The following ZNF551 variants were observed in gnomAD, a reference collection of about 807,000 sequenced individuals.
ZNF551 encodes KOX 23 protein (56 AA).
Under a neutral mutation model 7.9 loss-of-function variants are expected in ZNF551, and 5 were observed. The ratio of observed to expected loss-of-function variants is 0.63; its 90% CI spans 0.33 to 1.33. The LOEUF is 1.33. Among genes scored for constraint, ZNF551 ranks in the 40% most tolerant of loss-of-function variants. The pLI, the probability that ZNF551 is intolerant of heterozygous loss-of-function variation, is 0.05. For missense variants in ZNF551, 788 were observed against 825.2 expected (o/e 0.95, Z 0.55); for synonymous variants, 287 against 277.3 (o/e 1.03, Z -0.35).
rs1262449450 is a variant in ZNF551 at position 57,687,692 on chromosome 19, A to G, written c.1417A>G (p.Arg473Gly). ...ACACCGCAGCATTCACACTGGTGATAGGCCTTATGAGTGCAGTGAATGTGA... is the reference window on the plus strand; with the variant it reads ...ACACCGCAGCATTCACACTGGTGATGGGCCTTATGAGTGCAGTGAATGTGA... ...IRHRSIHTGDRPYECSECEKS... is the reference protein window; with the variant it reads ...IRHRSIHTGDGPYECSECEKS... Residue 473 changes from arginine (R) to glycine (G), a missense_variant, in exon 3 of 3, where the codon AGG (arginine) becomes GGG (glycine). Physicochemically the swap from Arg to Gly is moderately radical, Grantham distance 125. Transcript: ENST00000282296. The G allele has an allele frequency of 1.9e-6, 3 of 1,614,220 alleles. No individual in the cohort carries two copies. Among genetic ancestry groups the G allele is most frequent in the South Asian group, 1.1e-5 (1 of 91,082 alleles).
chr19:57,687,269 G>A lies in ZNF551; in HGVS notation c.994G>A (p.Gly332Arg). ...FIHHQRRHTG[G>R]VRHECGECRK... ...TCACCACCAGAGACGTCACACTGGAGGAGTGCGTCATGAGTGTGGTGAATG... is the reference window on the plus strand; with the variant it reads ...TCACCACCAGAGACGTCACACTGGAAGAGTGCGTCATGAGTGTGGTGAATG... Residue 332 changes from glycine (G) to arginine (R), a missense_variant, in exon 3 of 3, where the codon GGA becomes AGA. Transcript: ENST00000282296. The A allele has an allele frequency of 6.2e-7, 1 of 1,614,184 alleles. No individual in the cohort carries two copies. Among genetic ancestry groups the A allele is most frequent in the Non-Finnish European group, 8.5e-7 (1 of 1,180,038 alleles).
chr19:57,682,206 A>G lies in ZNF551; in HGVS notation c.43A>G (p.Ser15Gly). Residue 15 changes from serine (S) to glycine (G), a missense_variant, in exon 1 of 3, where the codon AGC (serine) becomes GGC (glycine). By Grantham distance (56) the Ser-to-Gly change is moderately conservative. Transcript: ENST00000282296. ...VGRRSPPSPR[S>G]SMAAVALRDS... ...CCGCCGCTCCCCGCCTAGTCCACGG[A>G]GCTCAATGGCGGCAGTCGCGCTGAG... 1 of 1,550,484 alleles carries G rather than the reference A, an allele frequency of 6.4e-7. No homozygotes were observed. Among genetic ancestry groups the G allele is most frequent in the Non-Finnish European group, 8.7e-7 (1 of 1,146,942 alleles).
chr19:57,688,153 C>G lies in ZNF551; in HGVS notation c.1878C>G (p.His626Gln), dbSNP rs1474511008. The change falls in exon 3 of 3, where the codon CAC (histidine) becomes CAG (glutamine). Residue 626 changes from histidine to glutamine, a missense_variant. His to Gln is a conservative substitution (Grantham distance 24). Transcript: ENST00000282296. Reference sequence around the variant, plus strand: ...GTCAATGTGGGAAACCCTTTACCCACAAATCAGACCTTATTCAGCACCAAA... The same window carrying G: ...GTCAATGTGGGAAACCCTTTACCCAGAAATCAGACCTTATTCAGCACCAAA... ...ECSQCGKPFT[H>Q]KSDLIQHQRV... 9 of 1,613,076 alleles carry G rather than the reference C, an allele frequency of 5.6e-6. No homozygotes were observed. The highest frequency in any genetic ancestry group is 7.6e-6 in the Non-Finnish European group (9 of 1,179,800).
At position 57,686,920 on chromosome 19, in the gene ZNF551, A is replaced by ATT; in HGVS notation, c.649_650dup (p.Asn218SerfsTer78). On this transcript the variant is annotated frameshift_variant, in exon 3 of 3. Transcript: ENST00000282296. LOFTEE classifies it low-confidence loss of function (END_TRUNC). ...GTAGCAGCAGCAAGCATATACAGGC[A>ATT]TTTTTCAATGCAAAAAGTTATTACA... is the stretch of plus-strand genomic sequence containing the variant. 6.2e-7 allele frequency: 1 copy of ATT among 1,614,172 alleles called. No homozygotes were observed. Among genetic ancestry groups the ATT allele is most frequent in the Non-Finnish European group, 8.5e-7 (1 of 1,180,038 alleles).
intron 2 of ZNF551, among the ~76,000 whole-genome samples, chr19:57,686,122 C>T (rs559844724): frequency 1.3e-5 from 2 of 152,190 alleles, no homozygotes; most frequent in Non-Finnish European, 2.9e-5. Flanking sequence ...AATAGTCCTC[C>T]TTGATCACCA....
At position 57,687,838 on chromosome 19, in the gene ZNF551, C is replaced by G. The variant is rs1156526015; in HGVS notation, c.1563C>G (p.His521Gln). The G allele has an allele frequency of 2.5e-6, 4 of 1,613,820 alleles. No homozygotes were observed. The South Asian group carries it at 4.4e-5, about 18-fold the overall frequency. The change falls in exon 3 of 3, where the codon CAC becomes CAG. Residue 521 changes from histidine (H) to glutamine (Q), a missense_variant. By Grantham distance (24) the His-to-Gln change is conservative (BLOSUM62 0). Coordinates refer to ENST00000282296, the MANE Select transcript of ZNF551 (RefSeq NM_138347.5). ...CCCGCAAATCTGACCTCATTCAACA[C>G]CGGAGAATTCATACTGGCACAAGAC... ...SFTRKSDLIQHRRIHTGTRPY... is the reference protein window; with the variant it reads ...SFTRKSDLIQQRRIHTGTRPY...
In ZNF551 at chr19:57,682,058, C is replaced by T; in HGVS notation, c.-106C>T. 8.1e-7 allele frequency: 1 copy of T among 1,232,900 alleles called. No homozygotes were observed. Among genetic ancestry groups the T allele is most frequent in the Non-Finnish European group, 1.1e-6 (1 of 890,254 alleles). The allele number at this position is 1,232,900 out of a possible 1,614,324, so 76.4% of individuals were successfully genotyped here. A position where few individuals can be genotyped will look rare whatever the true frequency, so the allele number is the denominator to read the frequency against. On this transcript the variant is annotated 5_prime_UTR_variant, in exon 1 of 3. Coordinates refer to ENST00000282296, the MANE Select transcript of ZNF551 (RefSeq NM_138347.5). ...GCCCGCCAGTTTCTGCAGTGGAGGTCGCGACTGAGGGACGGGACAGAGAAG... is the reference window on the plus strand; with the variant it reads ...GCCCGCCAGTTTCTGCAGTGGAGGTTGCGACTGAGGGACGGGACAGAGAAG...
At chr19:57,685,124 G>C in intron 1 of ZNF551, 138 bp from the exon 2 acceptor site, 2 of 1,074,226 alleles carry the variant, frequency 1.9e-6, no homozygotes, top group Non-Finnish European at 2.7e-6. Context: ...ACTGTGGGGA[G>C]AGGGTAGGCA....
chr19:57,687,537 G>A lies in ZNF551; in HGVS notation c.1262G>A (p.Cys421Tyr), dbSNP rs776731909. The A allele has an allele frequency of 1.6e-5, 26 of 1,614,120 alleles. No homozygotes were observed. The highest frequency in any genetic ancestry group is 2.0e-5 in the Non-Finnish European group (24 of 1,180,042). The change falls in exon 3 of 3, where the codon TGC becomes TAC. Residue 421 changes from cysteine to tyrosine, a missense_variant. Cys to Tyr is a radical substitution (Grantham distance 194). Coordinates refer to ENST00000282296, the MANE Select transcript of ZNF551 (RefSeq NM_138347.5). ...CACACTGGAGAAATGCCTTATCAGT[G>A]CAGTGATTGTGGGAAATCTTTTAGC... is the stretch of plus-strand genomic sequence containing the variant. ...RVHTGEMPYQCSDCGKSFSCK... is the reference protein window; with the variant it reads ...RVHTGEMPYQYSDCGKSFSCK...
chr19:57,688,937 A>G lies in ZNF551; in HGVS notation c.*649A>G, dbSNP rs968235950. On this transcript the variant is annotated 3_prime_UTR_variant, in exon 3 of 3. Transcript: ENST00000282296. ...TAAGCAGAATAGTGATGTCAGCATGAAGGGGTGAATAGATTTTGTGGAGAT... is the reference window on the plus strand; with the variant it reads ...TAAGCAGAATAGTGATGTCAGCATGGAGGGGTGAATAGATTTTGTGGAGAT... 1.3e-5 allele frequency: 2 copies of G among 152,750 alleles called. No individual in the cohort carries two copies. The highest frequency in any genetic ancestry group is 4.8e-5 in the African/African-American group (2 of 41,446). 9.5% of individuals were successfully genotyped at this position (152,750 alleles called of 1,614,324 possible).
In ZNF551 at chr19:57,686,507, G is replaced by T. The variant is rs1226713997; in HGVS notation, c.232G>T (p.Ala78Ser). 6.2e-7 allele frequency: 1 copy of T among 1,609,290 alleles called. No homozygotes were observed. The highest frequency in any genetic ancestry group is 8.5e-7 in the Non-Finnish European group (1 of 1,176,042). Reference sequence around the variant, plus strand: ...TTATTGCCATGGAATGGAGAATGAGGCGATAGCTTCTGAGCAGAGTGTATC... The same window carrying T: ...TTATTGCCATGGAATGGAGAATGAGTCGATAGCTTCTGAGCAGAGTGTATC... ...LGYCHGMENE[A>S]IASEQSVSIQ... Residue 78 changes from alanine (A) to serine (S), a missense_variant, in exon 3 of 3, where the codon GCG becomes TCG. Ala to Ser is a moderately conservative substitution (Grantham distance 99). Transcript: ENST00000282296.
rs749705726 is a variant in ZNF551 at position 57,687,404 on chromosome 19, A to G, written c.1129A>G (p.Ser377Gly). The G allele has an allele frequency of 2.5e-6, 4 of 1,613,990 alleles. No homozygotes were observed. The East Asian group carries it at 6.7e-5, about 27-fold the overall frequency. Residue 377 changes from serine (S) to glycine (G), a missense_variant, in exon 3 of 3, where the codon AGC (serine) becomes GGC (glycine). Coordinates refer to ENST00000282296, the MANE Select transcript of ZNF551 (RefSeq NM_138347.5). ...CGGGAAATCCTTTAGACAAAGCTCTAGCCTTTTTCGACACCAGAGAGTTCA... is the reference window on the plus strand; with the variant it reads ...CGGGAAATCCTTTAGACAAAGCTCTGGCCTTTTTCGACACCAGAGAGTTCA... Reference protein sequence around the residue: ...ECGKSFRQSSSLFRHQRVHSG... With the variant: ...ECGKSFRQSSGLFRHQRVHSG...
chr19:57,689,955 AC>A lies in ZNF551; in HGVS notation c.*1668del, dbSNP rs1984711907. 1 of 152,210 alleles carries A rather than the reference AC, an allele frequency of 6.6e-6. No homozygotes were observed. The highest frequency in any genetic ancestry group is 1.5e-5 in the Non-Finnish European group (1 of 68,046). The allele number at this position is 152,210 out of a possible 1,614,324, so 9.4% of individuals were successfully genotyped here. A position where few individuals can be genotyped will look rare whatever the true frequency, so the allele number is the denominator to read the frequency against. ...GGATGTGGCTTTTGTGACTCAGCCA[AC>A]ATTCCTATTAATTCAGGTGGCAACA... On this transcript the variant is annotated 3_prime_UTR_variant, in exon 3 of 3. Transcript: ENST00000282296.
intron 1 of ZNF551, among the ~76,000 whole-genome samples, chr19:57,683,424 T>C (rs981528237): frequency 6.6e-6 from 1 of 151,986 alleles, no homozygotes; most frequent in South Asian, 2.1e-4. Flanking sequence ...ATAGTAGGAG[T>C]AGTTTTCATT....
At chr19:57,686,356 C>G in intron 2 of ZNF551, 125 bp from the exon 3 acceptor site, 1 of 1,330,764 alleles carries the variant, frequency 7.5e-7, no homozygotes, top group East Asian at 2.3e-5. Context: ...CCTATTCCTC[C>G]CCAGTTCCGT....
rs145234673 is a variant in ZNF551, at chr19:57,687,379, C to T, written c.1104C>T (p.Cys368=). The T allele has an allele frequency of 8.3e-5, 134 of 1,612,192 alleles. No homozygotes were observed. The African/African-American group carries it at 1.5e-3, about 17-fold the overall frequency. The change falls in exon 3 of 3, where the codon TGC becomes TGT. Residue 368 remains cysteine, a synonymous_variant. Transcript: ENST00000282296. ...AAAGGCCTTATGAATGTGGCGAGTG[C>T]GGGAAATCCTTTAGACAAAGCTCTA... ...TGERPYECGE[C]GKSFRQSSSL...
rs924155377 is a variant in ZNF551 at position 57,690,219 on chromosome 19, C to T, written c.*1931C>T. On this transcript the variant is annotated 3_prime_UTR_variant, in exon 3 of 3. Coordinates refer to ENST00000282296, the MANE Select transcript of ZNF551 (RefSeq NM_138347.5). Reference sequence around the variant, plus strand: ...GTACAGTTTGGTAAAGCCATGAAACCATCATTACAACCATAAAAATGAATT... The same window carrying T: ...GTACAGTTTGGTAAAGCCATGAAACTATCATTACAACCATAAAAATGAATT... 2 of 152,082 alleles carry T rather than the reference C, an allele frequency of 1.3e-5. No homozygotes were observed. The highest frequency in any genetic ancestry group is 1.9e-4 in the East Asian group (1 of 5,196). The allele number at this position is 152,082 out of a possible 1,614,324, so 9.4% of individuals were successfully genotyped here. A position where few individuals can be genotyped will look rare whatever the true frequency, so the allele number is the denominator to read the frequency against.
chr19:57,687,516 C>T lies in ZNF551; in HGVS notation c.1241C>T (p.Thr414Ile). 6.2e-7 allele frequency: 1 copy of T among 1,614,204 alleles called. No homozygotes were observed. The highest frequency in any genetic ancestry group is 1.1e-5 in the South Asian group (1 of 91,086). ...FNLIRHRRVHTGEMPYQCSDC... is the reference protein window; with the variant it reads ...FNLIRHRRVHIGEMPYQCSDC... ...CTCATTCGACATAGAAGAGTTCACACTGGAGAAATGCCTTATCAGTGCAGT... is the reference window on the plus strand; with the variant it reads ...CTCATTCGACATAGAAGAGTTCACATTGGAGAAATGCCTTATCAGTGCAGT... Residue 414 changes from threonine (T) to isoleucine (I), a missense_variant, in exon 3 of 3, where the codon ACT (threonine) becomes ATT (isoleucine). Physicochemically the swap from Thr to Ile is moderately conservative, Grantham distance 89. Transcript: ENST00000282296.
chr19:57,688,587 C>G lies in ZNF551; in HGVS notation c.*299C>G. 1 of 371,590 alleles carries G rather than the reference C, an allele frequency of 2.7e-6. No individual in the cohort carries two copies. The highest frequency in any genetic ancestry group is 4.9e-6 in the Non-Finnish European group (1 of 204,362). The allele number at this position is 371,590 out of a possible 1,614,324, so 23.0% of individuals were successfully genotyped here. A position where few individuals can be genotyped will look rare whatever the true frequency, so the allele number is the denominator to read the frequency against. ...CCACAGTGCTCAGAGAAGCAAACCT[C>G]TGTACTCTCCCATTTGCTTGGGGAA... On this transcript the variant is annotated 3_prime_UTR_variant, in exon 3 of 3. Coordinates refer to ENST00000282296, the MANE Select transcript of ZNF551 (RefSeq NM_138347.5).
Sources: gnomAD v4.1 joint callset for allele counts (sites outside exome capture counted in the v4.1 genomes callset) on GRCh38, gnomAD v4.1.1 for gene constraint, MANE v1.5 for transcripts, NCBI Gene and HGNC (gene_info 2026-07-23, HGNC 2026-07-21) for gene names.